PCDH11X: variants seen among roughly 807,000 people sequenced by gnomAD.
PCDH11X encodes the protein protocadherin 11 X-linked.
PCDH11X carries 18 observed loss-of-function variants against 53.3 expected under a neutral mutation model. The ratio of observed to expected loss-of-function variants is 0.34; its 90% CI spans 0.23 to 0.50. The LOEUF is 0.50. Ranked by LOEUF, PCDH11X falls within the 20% of genes least tolerant of loss-of-function variation. The pLI is 0.98. For missense variants in PCDH11X, 570 were observed against 1,032.4 expected, an observed-to-expected ratio of 0.55 and a Z score of 6.14; for synonymous variants, 279 against 393.3, an observed-to-expected ratio of 0.71 and a Z score of 3.44.
At chrX:92,617,568 TATA>T (rs1928122713) in intron 10 of PCDH11X, among the ~76,000 whole-genome samples, 1 of 110,069 alleles carries the variant, frequency 9.1e-6, no homozygotes, top group Admixed American at 9.7e-5. Context: ...CTAAAATTTG[TATA>T]ATATTTTTAT....
intron 10 of PCDH11X, among the ~76,000 whole-genome samples, chrX:92,530,857 C>T (rs1336528628): frequency 9.1e-6 from 1 of 110,465 alleles, no homozygotes; most frequent in African/African-American, 3.3e-5. Context: ...AGATGGAGAT[C>T]GTTTCAGTGC....
intron 6 of PCDH11X, among the ~76,000 whole-genome samples, chrX:92,064,445 C>A (rs1474115684): frequency 1.8e-5 from 2 of 108,296 alleles, no homozygotes; most frequent in African/African-American, 6.7e-5. Context: ...ACTACCACCA[C>A]AATCGAGGTA....
chrX:92,147,855 T>TTTCTTTCTTTCTTTCTTTCTTTC (rs1569388372), intron 6 of PCDH11X, among the ~76,000 whole-genome samples: 2 of 22,356 alleles, frequency 8.9e-5, no homozygotes, highest in Non-Finnish European at 1.6e-4. Flanking sequence ...TTCTTTCTTT[T>TTTCTTTCTTTCTTTCTTTCTTTC]TTCTTTTCTC....
intron 6 of PCDH11X, among the ~76,000 whole-genome samples, chrX:91,907,418 G>C (rs1035882126): frequency 0.02 from 1,038 of 52,001 alleles, 36 homozygotes; most frequent in African/African-American, 0.053. Context: ...CACACAGAGA[G>C]AGAGAGAGAG....
intron 10 of PCDH11X, among the ~76,000 whole-genome samples, chrX:92,584,656 G>T (rs1431479328): frequency 9.2e-6 from 1 of 108,909 alleles, no homozygotes; most frequent in Non-Finnish European, 1.9e-5. Flanking sequence ...GTTCTAGATG[G>T]CTTCTCAGGT....
At chrX:92,336,871 C>T (rs1194752972) in intron 8 of PCDH11X, among the ~76,000 whole-genome samples, 1 of 110,575 alleles carries the variant, frequency 9.0e-6, no homozygotes, top group African/African-American at 3.3e-5. Flanking sequence ...TCAGCCCTAC[C>T]AAACAATTCA....
chrX:92,469,001 C>T (rs749712281), intron 10 of PCDH11X, among the ~76,000 whole-genome samples: 4 of 109,944 alleles, frequency 3.6e-5, no homozygotes, highest in Non-Finnish European at 3.8e-5. Context: ...ACTCATTGTG[C>T]ATATGCACAC....
chrX:92,465,345 A>G (rs1021909223), intron 9 of PCDH11X, among the ~76,000 whole-genome samples: 1 of 111,960 alleles, frequency 8.9e-6, no homozygotes, highest in Non-Finnish European at 1.9e-5. Flanking sequence ...TAGTAAAGAT[A>G]TCTGATTATT....
chrX:92,446,056 C>T (rs1387063507), intron 9 of PCDH11X, among the ~76,000 whole-genome samples: 1 of 109,302 alleles, frequency 9.1e-6, no homozygotes, highest in Non-Finnish European at 1.9e-5. Flanking sequence ...CTCAATATGT[C>T]ACCAAAGCCA....
intron 5 of PCDH11X, among the ~76,000 whole-genome samples, chrX:91,868,052 TC>T: frequency 9.0e-6 from 1 of 111,059 alleles, no homozygotes; most frequent in Middle Eastern, 4.6e-3. Flanking sequence ...GGACTTTCAT[TC>T]ATATATGTGT....
intron 9 of PCDH11X, among the ~76,000 whole-genome samples, chrX:92,398,642 G>A (rs528127234): frequency 9.1e-6 from 1 of 110,339 alleles, no homozygotes; most frequent in Admixed American, 9.7e-5. Context: ...ACATTTTAGT[G>A]GTTATTAAAG....
intron 4 of PCDH11X, among the ~76,000 whole-genome samples, chrX:91,816,586 C>G (rs1936458743): frequency 9.0e-6 from 1 of 111,143 alleles, no homozygotes; most frequent in African/African-American, 3.3e-5. Context: ...CTGTATCCAG[C>G]ACTGTGGAGA....
At chrX:92,335,666 A>G (rs1421855558) in intron 8 of PCDH11X, among the ~76,000 whole-genome samples, 1 of 111,374 alleles carries the variant, frequency 9.0e-6, no homozygotes, top group Non-Finnish European at 1.9e-5. Context: ...CAGTGTGAAA[A>G]TCACACTTAC....
At chrX:91,784,194 T>C (rs1185478129) in intron 1 of PCDH11X, among the ~76,000 whole-genome samples, 2 of 109,114 alleles carry the variant, frequency 1.8e-5, no homozygotes, top group African/African-American at 3.3e-5. Flanking sequence ...AATTGGGCAA[T>C]AGATAGCACA....
chrX:91,903,593 T>C (rs1181298215), intron 6 of PCDH11X, among the ~76,000 whole-genome samples: 1 of 109,997 alleles, frequency 9.1e-6, no homozygotes, highest in Non-Finnish European at 1.9e-5. Flanking sequence ...TTTGCCATTC[T>C]ATTTACATAA....
intron 5 of PCDH11X, among the ~76,000 whole-genome samples, chrX:91,868,419 ATCT>A (rs1315811810): frequency 9.0e-6 from 1 of 111,560 alleles, no homozygotes; most frequent in Non-Finnish European, 1.9e-5. Context: ...AGAAACTGAA[ATCT>A]TCTTTTGGAG....
At chrX:92,416,078 G>T (rs761057721) in intron 9 of PCDH11X, among the ~76,000 whole-genome samples, 2 of 111,051 alleles carry the variant, frequency 1.8e-5, no homozygotes. Context: ...ATGTGTGTGT[G>T]TTTGTGTGTC....
At chrX:92,047,100 A>T (rs1263748823) in intron 6 of PCDH11X, among the ~76,000 whole-genome samples, 1 of 79,634 alleles carries the variant, frequency 1.3e-5, no homozygotes, top group Non-Finnish European at 2.0e-5. Flanking sequence ...ATATATCTTG[A>T]GAGGAGTAAG....
intron 6 of PCDH11X, among the ~76,000 whole-genome samples, chrX:92,149,964 TTATG>T (rs1212538729): frequency 2.7e-5 from 3 of 112,010 alleles, no homozygotes; most frequent in Non-Finnish European, 5.6e-5. Context: ...ATATTCAACT[TTATG>T]GATACAACAC....
Sources: gnomAD v4.1 joint callset for allele counts (sites outside exome capture counted in the v4.1 genomes callset) on GRCh38, gnomAD v4.1.1 for gene constraint, MANE v1.5 for transcripts, NCBI Gene and HGNC (gene_info 2026-07-23, HGNC 2026-07-21) for gene names.